The following WNT11 variants were observed in gnomAD, a reference collection of about 807,000 sequenced individuals.
WNT11 encodes protein Wnt-11.
A neutral mutation model predicts 35.6 loss-of-function variants in WNT11; 20 were observed. The observed-to-expected ratio is 0.56, with a 90% confidence interval of 0.40 to 0.82. The LOEUF is 0.82. Among genes scored for constraint, WNT11 ranks in the 40% least tolerant of loss-of-function variants. The pLI, the probability that WNT11 is intolerant of heterozygous loss-of-function variation, is 0.00. For synonymous variants in WNT11, 200 were observed against 211.9 expected (o/e 0.94, Z 0.49); for missense variants, 459 against 504.4 (o/e 0.91, Z 0.86).
chr11:76,206,643 C>G, upstream of WNT11: 1 of 888,586 alleles, frequency 1.1e-6, no homozygotes, highest in Non-Finnish European at 1.4e-6. Context: ...CCGGGGGACG[C>G]GTCCCGCGCC....
chr11:76,204,411 C>T (rs1486866356), intron 1 of WNT11, among the ~76,000 whole-genome samples: 1 of 152,200 alleles, frequency 6.6e-6, no homozygotes, highest in Non-Finnish European at 1.5e-5. Context: ...TCCCCGCATG[C>T]GCTGTTCGGC....
At chr11:76,203,882 C>T (rs2134601550) in intron 1 of WNT11, among the ~76,000 whole-genome samples, 1 of 152,344 alleles carries the variant, frequency 6.6e-6, no homozygotes, top group South Asian at 2.1e-4. Context: ...GCTGGGGCTC[C>T]CTGTGCCCAA....
chr11:76,191,814 C>A lies in WNT11; in HGVS notation c.640G>T (p.Val214Leu). 6 of 1,608,336 alleles carry A rather than the reference C, an allele frequency of 3.7e-6. No individual in the cohort carries two copies. The highest frequency in any genetic ancestry group is 1.3e-5 in the African/African-American group (1 of 75,050). The change falls in exon 4 of 5, where the codon GTG becomes TTG. Residue 214 changes from valine to leucine, a missense_variant. Physicochemically the swap from Val to Leu is conservative, Grantham distance 32. Transcript: ENST00000322563. The stretch of plus-strand genomic sequence containing the variant: ...GTGCGGATGGAGCAGGAGCCAGACA[C>A]CCCATGGCACTTACACTTCATTTCC... ...SLEMKCKCHG[V>L]SGSCSIRTCW...
rs1318234526 is a variant in WNT11, at chr11:76,191,709, G to C, written c.745C>G (p.His249Asp). 1 of 1,613,780 alleles carries C rather than the reference G, an allele frequency of 6.2e-7. No homozygotes were observed. The highest frequency in any genetic ancestry group is 8.5e-7 in the Non-Finnish European group (1 of 1,180,054). Residue 249 changes from histidine to aspartate, a missense_variant, in exon 4 of 5, where the codon CAC becomes GAC. Physicochemically the swap from His to Asp is moderately conservative, Grantham distance 81. Coordinates refer to ENST00000322563, the MANE Select transcript of WNT11 (RefSeq NM_004626.3). The stretch of plus-strand genomic sequence containing the variant: ...TGCTTGCGGGTGCCCATGGGTCGGT[G>C]CACTACCTTGGTGGCCGACAGGTAT... The part of the protein sequence containing the change: ...TRYLSATKVV[H>D]RPMGTRKHLV...
At position 76,206,332 on chromosome 11, in the gene WNT11, T is replaced by C. The variant is rs1470619678; in HGVS notation, c.76A>G (p.Lys26Glu). ...CGCGGGGTCCCTACTCACAGCCACT[T>C]GATGCCATAGCACACGCCGGTCTGG... The part of the protein sequence containing the change: ...ALQTGVCYGI[K>E]WLALSKTPSA... Residue 26 changes from lysine to glutamate, a missense_variant, in exon 1 of 5, where the codon AAG becomes GAG. By Grantham distance (56) the Lys-to-Glu change is moderately conservative (BLOSUM62 1). Coordinates refer to ENST00000322563, the MANE Select transcript of WNT11 (RefSeq NM_004626.3). 35 of 1,565,472 alleles carry C rather than the reference T, an allele frequency of 2.2e-5. No homozygotes were observed. The highest frequency in any genetic ancestry group is 2.8e-5 in the Non-Finnish European group (33 of 1,159,410).
rs567691536 is a variant in WNT11, at chr11:76,198,002, G to T, written c.84-1284C>A. Among the ~76,000 whole-genome samples, 11 of 152,342 alleles carry T rather than the reference G, an allele frequency of 7.2e-5. No homozygotes were observed. The South Asian group carries it at 2.3e-3, about 32-fold the overall frequency. On this transcript the variant is annotated intron_variant, in intron 1 of 4. Transcript: ENST00000322563. The stretch of plus-strand genomic sequence containing the variant: ...GGAACCAAGAGGGGGCCATTCTGCA[G>T]CCAGAAGTGCTGAGTGCCCCGCCTG...
intron 2 of WNT11, among the ~76,000 whole-genome samples, chr11:76,195,651 C>T (rs995550329): frequency 1.3e-5 from 2 of 152,202 alleles, no homozygotes; most frequent in Non-Finnish European, 2.9e-5. Flanking sequence ...CCCTGGGAAA[C>T]GAATACGGCA....
Position 76,206,330 on chromosome 11 carries a change from C to A in WNT11, c.78G>T (p.Lys26Asn). 1 of 1,565,330 alleles carries A rather than the reference C, an allele frequency of 6.4e-7. No homozygotes were observed. ...ALQTGVCYGI[K>N]WLALSKTPSA... ...GACGCGGGGTCCCTACTCACAGCCA[C>A]TTGATGCCATAGCACACGCCGGTCT... The change falls in exon 1 of 5, where the codon AAG becomes AAT. Residue 26 changes from lysine to asparagine, a missense_variant. Lys to Asn is a moderately conservative substitution (Grantham distance 94). Transcript: ENST00000322563.
At position 76,194,838 on chromosome 11, in the gene WNT11, C is replaced by T. The variant is rs780407053; in HGVS notation, c.326G>A (p.Arg109Gln). The change falls in exon 3 of 5, where the codon CGG becomes CAG. Residue 109 changes from arginine (R) to glutamine (Q), a missense_variant. Arg to Gln is a conservative substitution (Grantham distance 43). Coordinates refer to ENST00000322563, the MANE Select transcript of WNT11 (RefSeq NM_004626.3). This position sits in a 1 kb window ranked among gnomAD's most constrained non-coding sequence, Gnocchi z 5.4. Reference sequence around the variant, plus strand: ...CAGCGCATACACGAAGGCCGACTCCCGGGTCCCTGAGGGTGGGAGGGGAAG... The same window carrying T: ...CAGCGCATACACGAAGGCCGACTCCTGGGTCCCTGAGGGTGGGAGGGGAAG... ...NYLLDLERGT[R>Q]ESAFVYALSA... The T allele has an allele frequency of 7.3e-6, 11 of 1,509,642 alleles. No homozygotes were observed. The highest frequency in any genetic ancestry group is 4.8e-5 in the East Asian group (2 of 41,618). The allele number at this position is 1,509,642 out of a possible 1,614,324, so 93.5% of individuals were successfully genotyped here. A position where few individuals can be genotyped will look rare whatever the true frequency, so the allele number is the denominator to read the frequency against.
upstream of WNT11, among the ~76,000 whole-genome samples, chr11:76,209,080 C>G (rs1485505163): frequency 6.6e-6 from 1 of 152,176 alleles, no homozygotes; most frequent in Non-Finnish European, 1.5e-5. Context: ...GACGACGTGT[C>G]GAGGGAGTGC....
chr11:76,203,046 A>G (rs1301425620), intron 1 of WNT11, among the ~76,000 whole-genome samples: 1 of 152,190 alleles, frequency 6.6e-6, no homozygotes, highest in African/African-American at 2.4e-5. Flanking sequence ...CTTCTCAACC[A>G]AGAAACCAAA....
At chr11:76,188,395 TGGG>T (rs1953130424) in intron 4 of WNT11, among the ~76,000 whole-genome samples, 1 of 152,254 alleles carries the variant, frequency 6.6e-6, no homozygotes, top group Non-Finnish European at 1.5e-5. Context: ...TTCCCAAATG[TGGG>T]ATGCGAAGAC....
chr11:76,202,875 GCCTGCAGATCCAGT>G (rs1953404715), intron 1 of WNT11, among the ~76,000 whole-genome samples: 1 of 152,196 alleles, frequency 6.6e-6, no homozygotes, highest in Non-Finnish European at 1.5e-5. Context: ...AGGGCCTTGA[GCCTGCAGATCCAGT>G]CCTGCCTGGA....
chr11:76,191,640 C>T lies in WNT11; in HGVS notation c.814G>A (p.Glu272Lys). 1 of 1,614,052 alleles carries T rather than the reference C, an allele frequency of 6.2e-7. No homozygotes were observed. Among genetic ancestry groups the T allele is most frequent in the African/African-American group, 1.3e-5 (1 of 75,068 alleles). ...DLDIRPVKDSELVYLQSSPDF... is the reference protein window; with the variant it reads ...DLDIRPVKDSKLVYLQSSPDF... ...GGTGAGCTCTGCAGATAGACGAGTT[C>T]CGAGTCCTTCACAGGCCGGATATCC... The change falls in exon 4 of 5, where the codon GAA (glutamate) becomes AAA (lysine). Residue 272 changes from glutamate to lysine, a missense_variant. Transcript: ENST00000322563.
rs1293810003 is a variant in WNT11, at chr11:76,186,469, T to A, written c.*596A>T. 1 of 149,250 alleles carries A rather than the reference T, an allele frequency of 6.7e-6. No homozygotes were observed. Among genetic ancestry groups the A allele is most frequent in the African/African-American group, 2.5e-5 (1 of 40,814 alleles). The allele number at this position is 149,250 out of a possible 1,614,324, so 9.2% of individuals were successfully genotyped here. ...TAAAAAGCTAGTTTTAAAATAGAGA[T>A]CATTATATATATACATATATATTTA... is the stretch of plus-strand genomic sequence containing the variant. On this transcript the variant is annotated 3_prime_UTR_variant, in exon 5 of 5. Transcript: ENST00000322563.
At chr11:76,187,311 C>A (rs1953112785) in intron 4 of WNT11, 72 bp from the exon 5 acceptor site, 2 of 1,439,144 alleles carry the variant, frequency 1.4e-6, no homozygotes, top group Admixed American at 2.3e-5. Flanking sequence ...TGACTCCCAG[C>A]CAGGCAGCCG....
At chr11:76,192,576 T>C (rs940474339) in intron 3 of WNT11, among the ~76,000 whole-genome samples, 3 of 152,212 alleles carry the variant, frequency 2.0e-5, no homozygotes, top group Admixed American at 2.0e-4. Context: ...TGAAATGAGA[T>C]CACACACACA....
chr11:76,196,736 G>C lies in WNT11; in HGVS notation c.84-18C>G, dbSNP rs1346195870. On this transcript the variant is annotated intron_variant, in intron 1 of 4. Transcript: ENST00000322563. ...ACAGCGCCCTGCACACCATGGAAAG[G>C]CCATGACCGATGGAAGGAGAGACAG... 6.4e-7 allele frequency: 1 copy of C among 1,572,306 alleles called. No homozygotes were observed. Among genetic ancestry groups the C allele is most frequent in the Admixed American group, 1.8e-5 (1 of 54,996 alleles).
chr11:76,206,195 C>T, intron 1 of WNT11, 130 bp downstream of exon 1: 1 of 813,252 alleles, frequency 1.2e-6, no homozygotes, highest in Non-Finnish European at 1.7e-6. Context: ...TGAGGGATGA[C>T]TTGCCCACGA....
Sources: allele counts gnomAD v4.1 joint callset (sites outside exome capture counted in the v4.1 genomes callset), GRCh38; gene constraint gnomAD v4.1.1; non-coding constraint Gnocchi (gnomAD v3.1); transcripts MANE v1.5; gene names NCBI Gene and HGNC (gene_info 2026-07-23, HGNC 2026-07-21).